Variants in THEMIS observed in about 807,000 individuals in gnomAD.
THEMIS encodes protein THEMIS.
THEMIS carries 37 observed loss-of-function variants against 52.6 expected under a neutral mutation model. The ratio of observed to expected loss-of-function variants is 0.70; its 90% CI spans 0.54 to 0.93. THEMIS has a LOEUF of 0.93. THEMIS is among the 40% of genes least tolerant of loss of function. The pLI is 0.00. For synonymous variants in THEMIS, 292 were observed against 272.7 expected (o/e 1.07, Z -0.70); for missense variants, 808 against 763.1 (o/e 1.06, Z -0.69).
At chr6:127,773,096 A>T (rs1776441936) in intron 4 of THEMIS, among the ~76,000 whole-genome samples, 1 of 152,210 alleles carries the variant, frequency 6.6e-6, no homozygotes, top group Admixed American at 6.5e-5. Flanking sequence ...ATAGAAAAAT[A>T]ATTTAGAAGC....
chr6:127,769,010 CA>C (rs1413114025), intron 4 of THEMIS, among the ~76,000 whole-genome samples: 1 of 152,138 alleles, frequency 6.6e-6, no homozygotes, highest in African/African-American at 2.4e-5. Flanking sequence ...AACACATCAC[CA>C]AAAGACAATG....
At chr6:127,885,027 G>C (rs542438486) in intron 1 of THEMIS, among the ~76,000 whole-genome samples, 1 of 152,240 alleles carries the variant, frequency 6.6e-6, no homozygotes, top group African/African-American at 2.4e-5. Flanking sequence ...CACTTCCTTA[G>C]AGGCCCCATC....
intron 5 of THEMIS, among the ~76,000 whole-genome samples, chr6:127,714,829 T>C (rs569653172): frequency 6.6e-6 from 1 of 152,032 alleles, no homozygotes; most frequent in Non-Finnish European, 1.5e-5. Context: ...AAAAGGTTGC[T>C]TTGCCTAGAG....
intron 1 of THEMIS, among the ~76,000 whole-genome samples, chr6:127,884,522 C>G (rs1301571727): frequency 6.6e-6 from 1 of 152,098 alleles, no homozygotes; most frequent in Non-Finnish European, 1.5e-5. Flanking sequence ...TTCAACTCCC[C>G]CTCTTGCTCA....
intron 4 of THEMIS, among the ~76,000 whole-genome samples, chr6:127,773,264 C>T (rs1583259592): frequency 6.6e-6 from 1 of 152,024 alleles, no homozygotes; most frequent in African/African-American, 2.4e-5. Context: ...TTTTAGAGTA[C>T]CAGCTTATTA....
intron 1 of THEMIS, among the ~76,000 whole-genome samples, chr6:127,863,481 G>A (rs1779874023): frequency 6.6e-6 from 1 of 152,152 alleles, no homozygotes; most frequent in South Asian, 2.1e-4. Flanking sequence ...CACTAGAACA[G>A]TTGTTTAGCC....
chr6:127,915,491 TACTA>T (rs1162286286), intron 1 of THEMIS, among the ~76,000 whole-genome samples: 2 of 151,574 alleles, frequency 1.3e-5, no homozygotes. Flanking sequence ...TGGTCATACT[TACTA>T]AGTAAAGGCA....
chr6:127,909,862 A>C (rs1044750180), intron 1 of THEMIS: 1 of 152,164 alleles, frequency 6.6e-6, no homozygotes, highest in Non-Finnish European at 1.5e-5. Context: ...CATCAGCAAT[A>C]CATGGTTGAG....
At chr6:127,777,287 A>G (rs1776598783) in intron 4 of THEMIS, among the ~76,000 whole-genome samples, 1 of 151,354 alleles carries the variant, frequency 6.6e-6, no homozygotes, top group Admixed American at 6.6e-5. Flanking sequence ...CTACACAATT[A>G]TCTTATTAGT....
At chr6:127,831,181 ATGT>A (rs905902725) in intron 2 of THEMIS, among the ~76,000 whole-genome samples, 6 of 152,286 alleles carry the variant, frequency 3.9e-5, no homozygotes, top group Non-Finnish European at 7.4e-5. Context: ...AGTATTTGAA[ATGT>A]TGTCTCCATC....
intron 4 of THEMIS, among the ~76,000 whole-genome samples, chr6:127,761,800 A>T (rs994750726): frequency 2.0e-5 from 3 of 152,114 alleles, no homozygotes; most frequent in Admixed American, 1.3e-4. Flanking sequence ...AGATTACAAG[A>T]ACCCAGAGTG....
rs1780496378 is a variant in THEMIS at position 127,881,938 on chromosome 6, T to G, written c.91+18904A>C. ...ACTTTTTATTGACTTCTACTATATA[T>G]TCCTTGAAGGCATTCCAGTAGACAA... On this transcript the variant is annotated intron_variant, in intron 1 of 5. Coordinates refer to ENST00000368248, the MANE Select transcript of THEMIS (RefSeq NM_001010923.3). 6.0e-5 allele frequency among the ~76,000 whole-genome samples: 9 copies of G among 151,048 alleles called. No homozygotes were observed. The South Asian group carries it at 1.9e-3, about 31-fold the overall frequency.
intron 3 of THEMIS, among the ~76,000 whole-genome samples, chr6:127,815,323 A>G (rs959409561): frequency 1.3e-5 from 2 of 151,720 alleles, no homozygotes; most frequent in South Asian, 2.1e-4. Context: ...TCTTCCTTCC[A>G]TGCTTTTGAA....
intron 1 of THEMIS, among the ~76,000 whole-genome samples, chr6:127,855,566 T>A (rs1779591880): frequency 6.6e-6 from 1 of 151,920 alleles, no homozygotes; most frequent in East Asian, 1.9e-4. Flanking sequence ...AAATAACAAC[T>A]GCAAACAAGG....
At chr6:127,714,697 G>A (rs1414735443) in intron 5 of THEMIS, among the ~76,000 whole-genome samples, 2 of 151,840 alleles carry the variant, frequency 1.3e-5, no homozygotes, top group African/African-American at 4.8e-5. Flanking sequence ...TTAGTCTTGG[G>A]TCTGTCTCAT....
At chr6:127,793,593 A>G (rs1777227206) in intron 4 of THEMIS, among the ~76,000 whole-genome samples, 1 of 152,226 alleles carries the variant, frequency 6.6e-6, no homozygotes, top group African/African-American at 2.4e-5. Flanking sequence ...CAAGAAGACT[A>G]CCATCCCTCA....
intron 2 of THEMIS, among the ~76,000 whole-genome samples, chr6:127,836,567 A>G (rs924205651): frequency 6.6e-6 from 1 of 152,230 alleles, no homozygotes; most frequent in African/African-American, 2.4e-5. Flanking sequence ...AACCATAAGT[A>G]TTAAATGAAT....
intron 4 of THEMIS, among the ~76,000 whole-genome samples, chr6:127,777,895 G>A (rs1776618148): frequency 6.6e-6 from 1 of 152,046 alleles, no homozygotes; most frequent in South Asian, 2.1e-4. Flanking sequence ...GTTTCCAGAG[G>A]GGTGACTAGG....
intron 5 of THEMIS, among the ~76,000 whole-genome samples, chr6:127,717,045 G>A (rs538427849): frequency 2.6e-5 from 4 of 152,012 alleles, no homozygotes; most frequent in South Asian, 2.1e-4. Flanking sequence ...ACATCAAGTC[G>A]CCACAGCCAG....
Sources: gnomAD v4.1 joint callset for allele counts (sites outside exome capture counted in the v4.1 genomes callset) on GRCh38, gnomAD v4.1.1 for gene constraint, MANE v1.5 for transcripts, NCBI Gene and HGNC (gene_info 2026-07-23, HGNC 2026-07-21) for gene names.